TENM3: variants seen among roughly 807,000 people sequenced by gnomAD.
TENM3 encodes teneurin transmembrane protein 3, also known as teneurin-3.
Under a neutral mutation model 255.1 loss-of-function variants are expected in TENM3, and 63 were observed. The ratio of observed to expected loss-of-function variants is 0.25; its 90% confidence interval spans 0.20 to 0.30. TENM3 has a LOEUF of 0.30. TENM3 is among the 10% of genes least tolerant of loss of function. TENM3 has a pLI of 1.00. For missense variants in TENM3, 2,929 were observed against 3,461.1 expected (o/e 0.85, Z 3.86); for synonymous variants, 1,306 against 1,322.3 (o/e 0.99, Z 0.27).
the TENM3 span, among the ~76,000 whole-genome samples, chr4:181,994,251 C>T: frequency 1.3e-5 from 2 of 151,940 alleles, no homozygotes; most frequent in East Asian, 1.9e-4. Flanking sequence ...TGGGAAACTT[C>T]CTATATAGAT....
intron 3 of TENM3, among the ~76,000 whole-genome samples, chr4:182,523,724 T>A (rs1423411658): frequency 6.6e-6 from 1 of 152,186 alleles, no homozygotes; most frequent in African/African-American, 2.4e-5. Flanking sequence ...ACTGTTTGTT[T>A]CTTGGTTGAA....
At chr4:182,359,329 G>T (rs1765793288) in intron 3 of TENM3, among the ~76,000 whole-genome samples, 1 of 152,114 alleles carries the variant, frequency 6.6e-6, no homozygotes, top group African/African-American at 2.4e-5. Flanking sequence ...GGAGAATTCG[G>T]CTGTGAATCC....
chr4:181,667,582 A>G, the TENM3 span, among the ~76,000 whole-genome samples: 2 of 152,206 alleles, frequency 1.3e-5, no homozygotes, highest in African/African-American at 4.8e-5. Flanking sequence ...TGGATTTCTT[A>G]TAAAAGGATG....
the TENM3 span, among the ~76,000 whole-genome samples, chr4:182,030,052 T>TTTGTTGTTGTTGTTG: frequency 0.035 from 4,657 of 134,722 alleles, 108 homozygotes; most frequent in Middle Eastern, 0.067. Context: ...TCAATGCATC[T>TTTGTTGTTGTTGTTG]TTGTTGTTGT....
intron 3 of TENM3, among the ~76,000 whole-genome samples, chr4:182,429,419 C>T (rs540700762): frequency 2.0e-4 from 30 of 152,082 alleles, no homozygotes; most frequent in Non-Finnish European, 3.7e-4. Flanking sequence ...ATTGCATAAG[C>T]AATTTCTTCT....
the TENM3 span, among the ~76,000 whole-genome samples, chr4:181,601,819 G>T: frequency 2.0e-5 from 3 of 152,108 alleles, no homozygotes; most frequent in East Asian, 5.8e-4. Flanking sequence ...GGTACTGGGG[G>T]TTGGGCTTCA....
the TENM3 span, among the ~76,000 whole-genome samples, chr4:181,811,836 G>A: frequency 2.6e-5 from 4 of 152,096 alleles, no homozygotes; most frequent in Non-Finnish European, 4.4e-5. Flanking sequence ...GATTTCGGTG[G>A]GGACACAGAG....
chr4:181,808,738 C>T, the TENM3 span, among the ~76,000 whole-genome samples: 2 of 152,180 alleles, frequency 1.3e-5, no homozygotes, highest in Non-Finnish European at 2.9e-5. Flanking sequence ...TGAAAACACA[C>T]GTGGGTTGGC....
At chr4:181,689,878 T>G in the TENM3 span, among the ~76,000 whole-genome samples, 1 of 152,154 alleles carries the variant, frequency 6.6e-6, no homozygotes, top group Non-Finnish European at 1.5e-5. Flanking sequence ...GGAAGTTGAC[T>G]GCTTACATGG....
chr4:182,152,656 C>T (rs909816634), intron 1 of TENM3, among the ~76,000 whole-genome samples: 10 of 151,632 alleles, frequency 6.6e-5, no homozygotes, highest in East Asian at 3.9e-4. Context: ...TTTTTTTCTT[C>T]GATTTTTACT....
intron 3 of TENM3, among the ~76,000 whole-genome samples, chr4:182,393,960 A>C (rs145558989): frequency 9.2e-5 from 14 of 152,358 alleles, no homozygotes; most frequent in Non-Finnish European, 2.1e-4. Context: ...CCTGACCAGA[A>C]ACCATGCATG....
In TENM3 at chr4:182,371,229, TCACA is replaced by T. The variant is rs3221610; in HGVS notation, c.511+24329_511+24332del. On this transcript the variant is annotated intron_variant, in intron 3 of 27. Coordinates refer to ENST00000511685, the MANE Select transcript of TENM3 (RefSeq NM_001080477.4). ...AGGGCCTCAAAAATTCTCCTCCCCA[TCACA>T]CACACACACACACACACACACACAC... Among the ~76,000 whole-genome samples the T allele has an allele frequency of 6.7e-3, 971 of 144,304 alleles. 11 individuals carry two copies. Among genetic ancestry groups the T allele is most frequent in the African/African-American group, 0.023 (901 of 39,018 alleles). The allele number at this position is 144,304 out of a possible 152,430, so 94.7% of individuals were successfully genotyped here. A position where few individuals can be genotyped will look rare whatever the true frequency, so the allele number is the denominator to read the frequency against.
upstream of TENM3, among the ~76,000 whole-genome samples, chr4:182,139,590 A>G (rs549737457): frequency 4.6e-5 from 7 of 152,316 alleles, no homozygotes; most frequent in South Asian, 1.4e-3. Context: ...GACAGATGTT[A>G]AAAGGCACTC....
chr4:181,872,694 C>T, the TENM3 span, among the ~76,000 whole-genome samples: 3 of 151,406 alleles, frequency 2.0e-5, no homozygotes, highest in Non-Finnish European at 4.4e-5. Flanking sequence ...AGATTTTTTT[C>T]TTGATCAGTC....
At chr4:181,753,094 A>G in the TENM3 span, among the ~76,000 whole-genome samples, 3 of 152,146 alleles carry the variant, frequency 2.0e-5, no homozygotes, top group Non-Finnish European at 4.4e-5. Flanking sequence ...AAGAATCCTC[A>G]AGTTTGGAAG....
At chr4:182,369,315 A>G (rs1018821019) in intron 3 of TENM3, among the ~76,000 whole-genome samples, 3 of 152,218 alleles carry the variant, frequency 2.0e-5, no homozygotes, top group Non-Finnish European at 4.4e-5. Context: ...CTTAGAAAGA[A>G]TCTAAATACC....
the TENM3 span, among the ~76,000 whole-genome samples, chr4:181,777,022 G>T: frequency 2.0e-5 from 3 of 151,992 alleles, no homozygotes; most frequent in African/African-American, 7.2e-5. Context: ...ATATCCAGGA[G>T]TGTTTACCTA....
At chr4:181,922,380 G>A in the TENM3 span, among the ~76,000 whole-genome samples, 2 of 152,162 alleles carry the variant, frequency 1.3e-5, no homozygotes, top group Non-Finnish European at 2.9e-5. Flanking sequence ...CTTTTTGGTT[G>A]CTAAGCTATT....
intron 3 of TENM3, among the ~76,000 whole-genome samples, chr4:182,509,001 A>G (rs565193603): frequency 6.6e-6 from 1 of 152,188 alleles, no homozygotes; most frequent in African/African-American, 2.4e-5. Context: ...TAATTCCCTA[A>G]TGTTTGCTTC....
Sources: gnomAD v4.1 joint callset for allele counts (sites outside exome capture counted in the v4.1 genomes callset) on GRCh38, gnomAD v4.1.1 for gene constraint, MANE v1.5 for transcripts, NCBI Gene and HGNC (gene_info 2026-07-23, HGNC 2026-07-21) for gene names.